PLPPR1: variants seen among roughly 807,000 people sequenced by gnomAD.
PLPPR1 encodes the protein phospholipid phosphatase-related protein type 1.
PLPPR1 carries 10 observed loss-of-function variants against 33.1 expected under a neutral mutation model. That is an observed-to-expected ratio of 0.30 (90% confidence interval 0.19 to 0.51). PLPPR1 has a LOEUF of 0.51. Among genes scored for constraint, PLPPR1 ranks in the 20% least tolerant of loss-of-function variants. The probability of loss-of-function intolerance (pLI) is 0.97; values close to 1 mark genes in which losing one functional copy is unlikely to be tolerated. For synonymous variants in PLPPR1, 151 were observed against 151.0 expected, an observed-to-expected ratio of 1.00 and a Z score of 0.00; for missense variants, 304 against 408.1, an observed-to-expected ratio of 0.74 and a Z score of 2.20.
At chr9:101,322,393 T>C (rs908554375) in intron 7 of PLPPR1, 81 of 151,994 alleles carry the variant, frequency 5.3e-4, no homozygotes, top group African/African-American at 1.9e-3. Context: ...TTTGTTGTTG[T>C]TGTTTTAATT....
rs578006835 is a variant in PLPPR1, at chr9:101,093,561, C to T, written c.-46+64459C>T. ...AATTAGTTCCTTGTCTGTTTTGATG[C>T]ATCTAGCAAACATGCCACAACCATG... On this transcript the variant is annotated intron_variant, in intron 1 of 7. Transcript: ENST00000374874. Among the ~76,000 whole-genome samples, 4 of 152,314 alleles carry T rather than the reference C, an allele frequency of 2.6e-5. No homozygotes were observed. In the South Asian group the frequency reaches 8.3e-4, roughly 32 times the overall value.
intron 1 of PLPPR1, among the ~76,000 whole-genome samples, chr9:101,158,138 T>TA (rs1831721086): frequency 6.6e-6 from 1 of 152,204 alleles, no homozygotes; most frequent in Non-Finnish European, 1.5e-5. Flanking sequence ...GTTTGGCACT[T>TA]AAAAGTTTGT....
chr9:101,090,887 T>C (rs966146340), intron 1 of PLPPR1, among the ~76,000 whole-genome samples: 16 of 152,208 alleles, frequency 1.1e-4, no homozygotes, highest in South Asian at 6.2e-4. Context: ...TCTTTTTTTT[T>C]CCCCATCCTC....
rs142080954 is a variant in PLPPR1 at position 101,250,535 on chromosome 9, C to G, written c.64-19345C>G. On this transcript the variant is annotated intron_variant, in intron 2 of 7. Transcript: ENST00000374874. ...AGTGGCCATGTCTTATTTCCCATAT[C>G]TCTTGTACTAATGGACTTAGTGACA... Among the ~76,000 whole-genome samples the G allele has an allele frequency of 2.3e-3, 346 of 152,134 alleles. 1 individual carries two copies. The highest frequency in any genetic ancestry group is 4.3e-3 in the Admixed American group (66 of 15,258).
intron 1 of PLPPR1, among the ~76,000 whole-genome samples, chr9:101,143,057 A>C (rs938077077): frequency 1.3e-5 from 2 of 151,772 alleles, no homozygotes; most frequent in African/African-American, 4.8e-5. Flanking sequence ...GAGAAAGTGG[A>C]TGGATCAATG....
rs553324474 is a variant in PLPPR1 at position 101,316,616 on chromosome 9, C to CAAAAAAAAAAAAAAAAAAAA, written c.814-737_814-736insAAAAAAAAAAAAAAAAAAAA. Among the ~76,000 whole-genome samples, 38 of 82,526 alleles carry CAAAAAAAAAAAAAAAAAAAA rather than the reference C, an allele frequency of 4.6e-4. 2 individuals are homozygous for CAAAAAAAAAAAAAAAAAAAA. Among genetic ancestry groups the CAAAAAAAAAAAAAAAAAAAA allele is most frequent in the African/African-American group, 1.8e-3 (31 of 17,230 alleles). The allele number at this position is 82,526 out of a possible 152,430, so 54.1% of individuals were successfully genotyped here. On this transcript the variant is annotated intron_variant, in intron 6 of 7. Coordinates refer to ENST00000374874, the MANE Select transcript of PLPPR1 (RefSeq NM_207299.2). Reference sequence around the variant, plus strand: ...AGGGAAAAGGAGGGTTCTTCTTGGGCAAAAAAAAAAAAGCAGGGAAGATGG... The same window carrying CAAAAAAAAAAAAAAAAAAAA: ...AGGGAAAAGGAGGGTTCTTCTTGGGCAAAAAAAAAAAAAAAAAAAAAAAAAAAAAAAAGCAGGGAAGATGG...
At chr9:101,059,703 G>A (rs1830320896) in intron 1 of PLPPR1, among the ~76,000 whole-genome samples, 1 of 152,044 alleles carries the variant, frequency 6.6e-6, no homozygotes, top group African/African-American at 2.4e-5. Context: ...TGGCCATCAG[G>A]TATATGACAA....
At chr9:101,089,479 C>A (rs1410950463) in intron 1 of PLPPR1, among the ~76,000 whole-genome samples, 4 of 152,002 alleles carry the variant, frequency 2.6e-5, no homozygotes, top group Non-Finnish European at 5.9e-5. Context: ...ATAGAAATCG[C>A]CCACGCTTTC....
At chr9:101,269,634 G>T (rs913204921) in intron 2 of PLPPR1, among the ~76,000 whole-genome samples, 2 of 152,192 alleles carry the variant, frequency 1.3e-5, no homozygotes, top group African/African-American at 4.8e-5. Flanking sequence ...CTCTCTACAA[G>T]CCTGGCTGGG....
At chr9:101,039,489 C>T (rs1830050302) in intron 1 of PLPPR1, among the ~76,000 whole-genome samples, 1 of 152,132 alleles carries the variant, frequency 6.6e-6, no homozygotes, top group Non-Finnish European at 1.5e-5. Flanking sequence ...TGACATAGTG[C>T]TTAGAACCAT....
intron 1 of PLPPR1, among the ~76,000 whole-genome samples, chr9:101,171,619 A>G (rs983177412): frequency 1.3e-5 from 2 of 152,116 alleles, no homozygotes; most frequent in Non-Finnish European, 2.9e-5. Flanking sequence ...AAGTGAACAA[A>G]GTATTTCTCT....
intron 1 of PLPPR1, among the ~76,000 whole-genome samples, chr9:101,136,995 T>C (rs1366671947): frequency 2.0e-5 from 3 of 152,208 alleles, no homozygotes; most frequent in African/African-American, 7.2e-5. Context: ...ATAATTGGAA[T>C]GTTTGTAACT....
At chr9:101,143,518 C>G (rs907007070) in intron 1 of PLPPR1, among the ~76,000 whole-genome samples, 22 of 151,318 alleles carry the variant, frequency 1.5e-4, no homozygotes, top group African/African-American at 4.8e-4. Context: ...AAAATTTTTA[C>G]AATCTACCCA....
intron 1 of PLPPR1, among the ~76,000 whole-genome samples, chr9:101,153,367 T>A (rs1411804761): frequency 6.6e-6 from 1 of 152,338 alleles, no homozygotes; most frequent in East Asian, 1.9e-4. Context: ...CCTCTTTTCC[T>A]AATTGAATAC....
intron 1 of PLPPR1, among the ~76,000 whole-genome samples, chr9:101,096,355 T>C (rs1463095012): frequency 1.3e-5 from 2 of 152,176 alleles, no homozygotes; most frequent in African/African-American, 4.8e-5. Flanking sequence ...TGGTTAGCAA[T>C]GCACACCTGG....
At chr9:101,273,293 G>C (rs1828131938) in intron 3 of PLPPR1, among the ~76,000 whole-genome samples, 1 of 152,226 alleles carries the variant, frequency 6.6e-6, no homozygotes, top group Non-Finnish European at 1.5e-5. Context: ...TGACCTGAGA[G>C]AGTGCTTCTG....
At chr9:101,272,594 T>C (rs1828120575) in intron 3 of PLPPR1, among the ~76,000 whole-genome samples, 1 of 152,106 alleles carries the variant, frequency 6.6e-6, no homozygotes, top group African/African-American at 2.4e-5. Flanking sequence ...ATACCCTTAA[T>C]ACTTAAAAAG....
chr9:101,145,232 T>C (rs956580782), intron 1 of PLPPR1, among the ~76,000 whole-genome samples: 1 of 152,126 alleles, frequency 6.6e-6, no homozygotes, highest in African/African-American at 2.4e-5. Flanking sequence ...AGCAATGTAT[T>C]ATATACTTGA....
intron 1 of PLPPR1, among the ~76,000 whole-genome samples, chr9:101,096,997 A>G (rs181511496): frequency 2.6e-5 from 4 of 152,282 alleles, no homozygotes; most frequent in Admixed American, 6.5e-5. Context: ...AGCCCAGGAG[A>G]TCAAAGCTGC....
Sources: gnomAD v4.1 joint callset for allele counts (sites outside exome capture counted in the v4.1 genomes callset) on GRCh38, gnomAD v4.1.1 for gene constraint, MANE v1.5 for transcripts, NCBI Gene and HGNC (gene_info 2026-07-23, HGNC 2026-07-21) for gene names.